Variants in ADGRL3 observed in about 807,000 individuals in gnomAD.
ADGRL3 encodes the protein calcium-independent alpha-latrotoxin receptor 3.
ADGRL3 carries 62 observed loss-of-function variants against 153.5 expected under a neutral mutation model. That is an observed-to-expected ratio of 0.40 (90% CI 0.33 to 0.50). ADGRL3 has a LOEUF of 0.50. Ranked by LOEUF, ADGRL3 falls within the 20% of genes least tolerant of loss-of-function variation. The pLI is 0.47. For missense variants in ADGRL3, 1,641 were observed against 1,859.4 expected (o/e 0.88, Z 2.16); for synonymous variants, 710 against 672.5 (o/e 1.06, Z -0.86).
intron 8 of ADGRL3, among the ~76,000 whole-genome samples, chr4:61,753,838 T>G (rs1020709346): frequency 1.3e-5 from 2 of 152,170 alleles, no homozygotes; most frequent in African/African-American, 4.8e-5. Context: ...ACCACATAGG[T>G]CCTTTTTTGA....
chr4:61,500,703 T>C (rs772046278), intron 3 of ADGRL3, among the ~76,000 whole-genome samples: 7 of 152,204 alleles, frequency 4.6e-5, no homozygotes, highest in African/African-American at 9.6e-5. Context: ...TCAGAGAAAA[T>C]AATGATGATG....
intron 8 of ADGRL3, among the ~76,000 whole-genome samples, chr4:61,756,326 G>A (rs1338632380): frequency 5.3e-5 from 8 of 152,028 alleles, no homozygotes; most frequent in Non-Finnish European, 1.2e-4. Context: ...CCTTGAAGAG[G>A]TCCTTCACAT....
At chr4:61,969,575 G>A (rs1424319235) in intron 17 of ADGRL3, among the ~76,000 whole-genome samples, 1 of 151,700 alleles carries the variant, frequency 6.6e-6, no homozygotes, top group African/African-American at 2.4e-5. Flanking sequence ...TTGCATCACT[G>A]AACTGTAAGA....
At chr4:61,341,472 A>C (rs1030229775) in intron 1 of ADGRL3, among the ~76,000 whole-genome samples, 2 of 151,376 alleles carry the variant, frequency 1.3e-5, no homozygotes, top group Admixed American at 6.6e-5. Flanking sequence ...ATTTTTCTAG[A>C]CTTTTCCTCA....
intron 8 of ADGRL3, among the ~76,000 whole-genome samples, chr4:61,755,713 G>T (rs2096820211): frequency 2.0e-5 from 3 of 152,174 alleles, no homozygotes; most frequent in Admixed American, 2.0e-4. Flanking sequence ...ATCTTGAGTG[G>T]TATTGTCTAG....
chr4:61,909,823 CA>C, intron 12 of ADGRL3, 78 bp downstream of exon 12: 3 of 1,130,942 alleles, frequency 2.7e-6, no homozygotes, highest in Non-Finnish European at 3.6e-6. Flanking sequence ...GTAATAAAAT[CA>C]GAAAGACTTC....
chr4:61,895,925 T>C (rs1203578037), intron 11 of ADGRL3, 91 bp downstream of exon 11: 4 of 635,952 alleles, frequency 6.3e-6, no homozygotes, highest in Non-Finnish European at 7.7e-6. Flanking sequence ...TCAAGAATTC[T>C]TTTAAAATCA....
At chr4:61,966,866 CT>C (rs1376153433) in intron 17 of ADGRL3, among the ~76,000 whole-genome samples, 2 of 152,080 alleles carry the variant, frequency 1.3e-5, no homozygotes, top group Admixed American at 6.6e-5. Flanking sequence ...AGTCAAACTA[CT>C]GTAAATCTGG....
At chr4:61,368,222 G>A (rs1039148784) in intron 1 of ADGRL3, among the ~76,000 whole-genome samples, 1 of 152,016 alleles carries the variant, frequency 6.6e-6, no homozygotes, top group African/African-American at 2.4e-5. Flanking sequence ...CTTTTGCTGT[G>A]CAGAAGCTCT....
intron 5 of ADGRL3, among the ~76,000 whole-genome samples, chr4:61,594,049 T>G (rs985408838): frequency 1.3e-5 from 2 of 152,338 alleles, no homozygotes; most frequent in Non-Finnish European, 2.9e-5. Flanking sequence ...TCTATTTCAC[T>G]AATTCTTTCT....
chr4:61,332,208 A>C (rs2095586590), intron 1 of ADGRL3, among the ~76,000 whole-genome samples: 1 of 152,242 alleles, frequency 6.6e-6, no homozygotes, highest in East Asian at 1.9e-4. Context: ...AAAACAAACT[A>C]TATCTTGACT....
At chr4:61,710,494 A>G (rs1179808389) in intron 6 of ADGRL3, among the ~76,000 whole-genome samples, 1 of 152,184 alleles carries the variant, frequency 6.6e-6, no homozygotes, top group African/African-American at 2.4e-5. Context: ...ATGGATCCAC[A>G]GGTCCTTATG....
At chr4:61,251,894 T>A (rs189054078) in intron 1 of ADGRL3, among the ~76,000 whole-genome samples, 10 of 151,666 alleles carry the variant, frequency 6.6e-5, no homozygotes, top group East Asian at 1.9e-4. Flanking sequence ...TTTTATTTTT[T>A]TTTTTAGAGA....
At chr4:61,748,561 C>G (rs2096705947) in intron 8 of ADGRL3, among the ~76,000 whole-genome samples, 1 of 152,140 alleles carries the variant, frequency 6.6e-6, no homozygotes, top group South Asian at 2.1e-4. Flanking sequence ...CGCTGCATAT[C>G]TACAACTATC....
At chr4:61,468,826 C>T (rs2097913559) in intron 2 of ADGRL3, among the ~76,000 whole-genome samples, 1 of 152,120 alleles carries the variant, frequency 6.6e-6, no homozygotes, top group Non-Finnish European at 1.5e-5. Flanking sequence ...AGTTTGTCTG[C>T]TTTAGTTTTA....
intron 11 of ADGRL3, among the ~76,000 whole-genome samples, chr4:61,896,831 T>C (rs914687531): frequency 4.6e-5 from 7 of 152,202 alleles, no homozygotes; most frequent in African/African-American, 1.7e-4. Flanking sequence ...TATTACAATG[T>C]AGCTCAGACC....
At chr4:61,686,709 T>C (rs1447408725) in intron 6 of ADGRL3, among the ~76,000 whole-genome samples, 1 of 152,096 alleles carries the variant, frequency 6.6e-6, no homozygotes, top group Non-Finnish European at 1.5e-5. Flanking sequence ...ATAGTCACCG[T>C]CCTGTGCAAT....
chr4:61,538,586 T>C (rs1035831028), intron 4 of ADGRL3, among the ~76,000 whole-genome samples: 2 of 152,096 alleles, frequency 1.3e-5, no homozygotes, highest in East Asian at 3.9e-4. Context: ...ATTACAGGCA[T>C]GCACCACCAC....
intron 4 of ADGRL3, among the ~76,000 whole-genome samples, chr4:61,535,802 C>T (rs189956883): frequency 6.6e-6 from 1 of 151,932 alleles, no homozygotes; most frequent in East Asian, 1.9e-4. Flanking sequence ...TTTTCTTCTT[C>T]GTTAATCTAG....
Sources: gnomAD v4.1 joint callset for allele counts (sites outside exome capture counted in the v4.1 genomes callset) on GRCh38, gnomAD v4.1.1 for gene constraint, MANE v1.5 for transcripts, NCBI Gene and HGNC (gene_info 2026-07-23, HGNC 2026-07-21) for gene names.